The following C9orf85 variants were observed in gnomAD, a reference collection of about 807,000 sequenced individuals.
C9orf85 encodes uncharacterized protein C9orf85.
A neutral mutation model predicts 14.9 loss-of-function variants in C9orf85; 16 were observed. The ratio of observed to expected loss-of-function variants is 1.08; its 90% CI spans 0.73 to 1.63. The LOEUF (loss-of-function observed/expected upper bound fraction) is 1.63. C9orf85 is among the 40% of genes most tolerant of loss of function. The pLI is 0.00. For synonymous variants in C9orf85, 45 were observed against 56.8 expected (o/e 0.79, Z 0.93); for missense variants, 172 against 186.1 (o/e 0.92, Z 0.44).
At chr9:71,938,504 T>C (rs561473317) in intron 1 of C9orf85, among the ~76,000 whole-genome samples, 16 of 152,080 alleles carry the variant, frequency 1.1e-4, no homozygotes, top group Admixed American at 9.2e-4. Context: ...CAAAATAAAA[T>C]CATTTTGTAA....
chr9:71,966,654 G>A (rs1191912962), intron 2 of C9orf85, among the ~76,000 whole-genome samples: 1 of 152,132 alleles, frequency 6.6e-6, no homozygotes, highest in Non-Finnish European at 1.5e-5. Flanking sequence ...GATGGTTAAC[G>A]CTTTTGTATC....
chr9:71,925,891 A>G lies in C9orf85; in HGVS notation c.102+14055A>G, dbSNP rs111585314. Among the ~76,000 whole-genome samples the G allele has an allele frequency of 3.7e-3, 571 of 152,362 alleles. 3 individuals are homozygous for G. Among genetic ancestry groups the G allele is most frequent in the Middle Eastern group, 0.014 (4 of 294 alleles). ...ACAGTGTATGAATTTACAACATAAT[A>G]TGGGTGGAAGTTAAGGTTTTTTCAG... On this transcript the variant is annotated intron_variant, in intron 1 of 3. Transcript: ENST00000334731.
At chr9:71,977,311 C>T (rs1823022482), downstream of C9orf85, among the ~76,000 whole-genome samples, 1 of 152,060 alleles carries the variant, frequency 6.6e-6, no homozygotes, top group South Asian at 2.1e-4. Flanking sequence ...CAAATGCATT[C>T]CCAGCTGATA....
chr9:71,918,657 C>A (rs906346402), intron 1 of C9orf85: 3 of 314,154 alleles, frequency 9.5e-6, no homozygotes, highest in African/African-American at 2.2e-5. Context: ...ATTAGATTCT[C>A]ATAGGAGTGT....
chr9:71,920,887 G>A (rs1589245512), intron 1 of C9orf85, among the ~76,000 whole-genome samples: 1 of 152,050 alleles, frequency 6.6e-6, no homozygotes, highest in South Asian at 2.1e-4. Flanking sequence ...CAACTTAATG[G>A]ACCCCCCCTT....
downstream of C9orf85, chr9:71,984,650 G>A (rs1047116715): frequency 2.6e-5 from 4 of 152,242 alleles, no homozygotes; most frequent in African/African-American, 9.6e-5. Context: ...CTCACACCCA[G>A]CCCCACAGCT....
chr9:71,918,447 A>G (rs1297015226), intron 1 of C9orf85: 2 of 1,303,306 alleles, frequency 1.5e-6, no homozygotes, highest in Non-Finnish European at 2.0e-6. Context: ...AACTCTAGTC[A>G]TGATGTTTGA....
At chr9:71,974,722 A>G (rs577208896), downstream of C9orf85, among the ~76,000 whole-genome samples, 10 of 152,342 alleles carry the variant, frequency 6.6e-5, no homozygotes, top group Admixed American at 6.5e-5. Flanking sequence ...TTTGCTATGT[A>G]AAACAAAACT....
At chr9:71,954,651 A>G (rs1246613022) in intron 2 of C9orf85, among the ~76,000 whole-genome samples, 1 of 152,110 alleles carries the variant, frequency 6.6e-6, no homozygotes, top group Non-Finnish European at 1.5e-5. Context: ...AGCGGTGAGG[A>G]CAACCAGAGG....
chr9:71,943,889 T>G (rs912010071), intron 1 of C9orf85, among the ~76,000 whole-genome samples: 3 of 151,378 alleles, frequency 2.0e-5, no homozygotes, highest in African/African-American at 7.3e-5. Context: ...AGATATATTG[T>G]TTGACAACAA....
intron 1 of C9orf85, among the ~76,000 whole-genome samples, chr9:71,916,785 G>C (rs1827662733): frequency 6.6e-6 from 1 of 152,090 alleles, no homozygotes; most frequent in Admixed American, 6.6e-5. Context: ...TGTTCCAACA[G>C]GTATTTACTT....
At chr9:71,976,117 G>A (rs369152815), downstream of C9orf85, among the ~76,000 whole-genome samples, 3 of 152,254 alleles carry the variant, frequency 2.0e-5, no homozygotes, top group South Asian at 4.1e-4. Context: ...ATTATATTTA[G>A]TTCCTCTACA....
intron 2 of C9orf85, among the ~76,000 whole-genome samples, chr9:71,967,813 C>G (rs745608616): frequency 2.2e-5 from 3 of 137,390 alleles, no homozygotes; most frequent in Non-Finnish European, 4.5e-5. Context: ...TGCCCTGTTT[C>G]TGATCTTACA....
chr9:71,942,818 A>G (rs937109420), intron 1 of C9orf85, among the ~76,000 whole-genome samples: 1 of 151,586 alleles, frequency 6.6e-6, no homozygotes, highest in Non-Finnish European at 1.5e-5. Context: ...TAGGAGAATC[A>G]CTTGAACCTG....
At chr9:71,921,296 C>T (rs1185404127) in intron 1 of C9orf85, among the ~76,000 whole-genome samples, 1 of 152,218 alleles carries the variant, frequency 6.6e-6, no homozygotes, top group Admixed American at 6.5e-5. Context: ...CATTCACTGG[C>T]TATTCTCTCT....
chr9:71,940,499 A>G (rs893949626), intron 1 of C9orf85, among the ~76,000 whole-genome samples: 1 of 152,212 alleles, frequency 6.6e-6, no homozygotes, highest in Non-Finnish European at 1.5e-5. Context: ...GTTCAACATT[A>G]TTAGTTATTA....
chr9:71,933,418 C>T (rs1589252307), intron 1 of C9orf85, among the ~76,000 whole-genome samples: 1 of 152,302 alleles, frequency 6.6e-6, no homozygotes, highest in East Asian at 1.9e-4. Context: ...GGAGGAAATG[C>T]TCCAACTTTT....
chr9:71,940,670 A>C (rs1821904535), intron 1 of C9orf85, among the ~76,000 whole-genome samples: 1 of 152,212 alleles, frequency 6.6e-6, no homozygotes, highest in Non-Finnish European at 1.5e-5. Flanking sequence ...TGAAAAACTA[A>C]TAGTTTCTTA....
intron 1 of C9orf85, among the ~76,000 whole-genome samples, chr9:71,944,577 T>C (rs1018961901): frequency 3.3e-5 from 5 of 152,142 alleles, no homozygotes; most frequent in African/African-American, 7.2e-5. Flanking sequence ...CTAAAAGTAA[T>C]TGCCAAAATA....
Sources: gnomAD v4.1 joint callset for allele counts (sites outside exome capture counted in the v4.1 genomes callset) on GRCh38, gnomAD v4.1.1 for gene constraint, MANE v1.5 for transcripts, NCBI Gene and HGNC (gene_info 2026-07-23, HGNC 2026-07-21) for gene names.